Variants in EEF1AKMT1 observed in about 807,000 individuals in gnomAD.
EEF1AKMT1 encodes the protein N-6 adenine-specific DNA methyltransferase 2 (putative).
A neutral mutation model predicts 21.0 loss-of-function variants in EEF1AKMT1; 18 were observed. The ratio of observed to expected loss-of-function variants is 0.86; its 90% CI spans 0.59 to 1.27. The LOEUF is 1.27. EEF1AKMT1 is among the 50% of genes most tolerant of loss of function. The probability of loss-of-function intolerance (pLI) is 0.00; values close to 1 mark genes in which losing one functional copy is unlikely to be tolerated. For missense variants in EEF1AKMT1, 246 were observed against 258.6 expected (o/e 0.95, Z 0.33); for synonymous variants, 109 against 94.8 (o/e 1.15, Z -0.87).
rs532348847 is a variant in EEF1AKMT1, at chr13:20,764,488, G to A, written c.-19-6871C>T. Among the ~76,000 whole-genome samples, 7 of 152,236 alleles carry A rather than the reference G, an allele frequency of 4.6e-5. No individual in the cohort carries two copies. In the South Asian group the frequency reaches 1.5e-3, roughly 32 times the overall value. ...ACAATGTGTATTTTGATGTTGTTGG[G>A]TGAAGGTTATATAAATGTGAATAGA... is the stretch of plus-strand genomic sequence containing the variant. On this transcript the variant is annotated intron_variant, in intron 1 of 4. Transcript: ENST00000382758.
intron 1 of EEF1AKMT1, among the ~76,000 whole-genome samples, chr13:20,763,285 C>T (rs951804014): frequency 1.3e-5 from 2 of 151,964 alleles, no homozygotes; most frequent in African/African-American, 4.8e-5. Flanking sequence ...GACACACCAC[C>T]CCCCTCCCAC....
intron 2 of EEF1AKMT1, among the ~76,000 whole-genome samples, chr13:20,739,148 G>C (rs774268360): frequency 1.3e-5 from 2 of 151,946 alleles, no homozygotes; most frequent in African/African-American, 4.8e-5. Context: ...ATCTGGAGTT[G>C]GTAGTTCCTC....
intron 1 of EEF1AKMT1, among the ~76,000 whole-genome samples, chr13:20,766,199 T>G (rs1430671698): frequency 2.7e-5 from 4 of 147,868 alleles, no homozygotes; most frequent in Non-Finnish European, 5.9e-5. Context: ...TTTAGGAGGC[T>G]GAGGCAGGAG....
At chr13:20,748,725 G>GTTTTTTTTTT (rs1491496241) in intron 2 of EEF1AKMT1, among the ~76,000 whole-genome samples, 4 of 68,642 alleles carry the variant, frequency 5.8e-5, no homozygotes, top group African/African-American at 1.7e-4. Context: ...GTTTTTTTTT[G>GTTTTTTTTTT]GTTTTTTTTT....
chr13:20,762,759 C>T (rs894964283), intron 1 of EEF1AKMT1, among the ~76,000 whole-genome samples: 2 of 152,122 alleles, frequency 1.3e-5, no homozygotes, highest in South Asian at 2.1e-4. Flanking sequence ...AGTGTTCCTC[C>T]TGCCTCAGCC....
At chr13:20,762,046 C>A (rs577724137) in intron 1 of EEF1AKMT1, among the ~76,000 whole-genome samples, 1 of 152,092 alleles carries the variant, frequency 6.6e-6, no homozygotes, top group Non-Finnish European at 1.5e-5. Flanking sequence ...ATGCAGTGAG[C>A]CAAGATCATA....
chr13:20,740,633 T>C (rs1046799498), intron 2 of EEF1AKMT1, among the ~76,000 whole-genome samples: 6 of 152,162 alleles, frequency 3.9e-5, no homozygotes, highest in African/African-American at 1.4e-4. Context: ...GAGACCCTGC[T>C]TCTACTAAAA....
chr13:20,742,308 T>A (rs2058876076), intron 2 of EEF1AKMT1, among the ~76,000 whole-genome samples: 1 of 152,130 alleles, frequency 6.6e-6, no homozygotes, highest in Non-Finnish European at 1.5e-5. Context: ...TTCCACTGGG[T>A]TTACTGTTTT....
In EEF1AKMT1 at chr13:20,756,469, C is replaced by G. The variant is rs541185600; in HGVS notation, c.144+986G>C. ...TTAAGTTCAGTTCCCCAATTTCCGGCAATGATAATATTTTCTCTTTCCACC... is the reference window on the plus strand; with the variant it reads ...TTAAGTTCAGTTCCCCAATTTCCGGGAATGATAATATTTTCTCTTTCCACC... On this transcript the variant is annotated intron_variant, in intron 2 of 4. Coordinates refer to ENST00000382758, the MANE Select transcript of EEF1AKMT1 (RefSeq NM_001318939.2). 2.0e-5 allele frequency among the ~76,000 whole-genome samples: 3 copies of G among 152,292 alleles called. No individual in the cohort carries two copies. In the South Asian group the frequency reaches 6.2e-4, roughly 32 times the overall value.
At chr13:20,730,924 C>G (rs778462956) in intron 4 of EEF1AKMT1, among the ~76,000 whole-genome samples, 6 of 152,146 alleles carry the variant, frequency 3.9e-5, no homozygotes, top group Non-Finnish European at 8.8e-5. Flanking sequence ...CTCTTTGGGT[C>G]CACACCAACT....
At chr13:20,761,097 T>C (rs11839329) in intron 1 of EEF1AKMT1, among the ~76,000 whole-genome samples, 6,301 of 152,310 alleles carry the variant, frequency 0.041, 309 homozygotes, top group African/African-American at 0.11. Flanking sequence ...TTTACACACA[T>C]TTATTTGCAG....
intron 1 of EEF1AKMT1, among the ~76,000 whole-genome samples, chr13:20,763,964 T>TCC (rs34799302): frequency 1.3e-5 from 2 of 151,936 alleles, no homozygotes; most frequent in Non-Finnish European, 2.9e-5. Context: ...TGTACTGATA[T>TCC]CCCCCATTTC....
intron 2 of EEF1AKMT1, chr13:20,747,299 T>G (rs1197594207): frequency 7.8e-6 from 2 of 256,058 alleles, no homozygotes; most frequent in East Asian, 8.6e-5. Flanking sequence ...AAAGTTGCAG[T>G]AACTTTTGGC....
intron 2 of EEF1AKMT1, among the ~76,000 whole-genome samples, chr13:20,740,367 A>G (rs116979890): frequency 0.093 from 14,190 of 152,282 alleles, 812 homozygotes; most frequent in Non-Finnish European, 0.13. Flanking sequence ...CACCTCAGAG[A>G]GGGGCTCCCA....
chr13:20,738,917 T>A (rs1403682383), intron 2 of EEF1AKMT1, among the ~76,000 whole-genome samples: 1 of 152,196 alleles, frequency 6.6e-6, no homozygotes, highest in Non-Finnish European at 1.5e-5. Context: ...TAGTTGTGTG[T>A]CCGGAATTGG....
chr13:20,753,367 GAGA>G (rs1266920123), intron 2 of EEF1AKMT1, among the ~76,000 whole-genome samples: 1 of 152,156 alleles, frequency 6.6e-6, no homozygotes, highest in Non-Finnish European at 1.5e-5. Context: ...CATGGAACTG[GAGA>G]AGGTTCCATG....
At chr13:20,768,274 TG>T (rs1278999228) in intron 1 of EEF1AKMT1, among the ~76,000 whole-genome samples, 1 of 152,226 alleles carries the variant, frequency 6.6e-6, no homozygotes, top group Non-Finnish European at 1.5e-5. Flanking sequence ...GGAAACAATT[TG>T]ATCTTTTCAG....
At chr13:20,771,220 C>G (rs2059061532) in intron 1 of EEF1AKMT1, among the ~76,000 whole-genome samples, 1 of 152,126 alleles carries the variant, frequency 6.6e-6, no homozygotes, top group Admixed American at 6.5e-5. Flanking sequence ...TGAAGAAGGG[C>G]TTTTAAATAA....
At position 20,729,013 on chromosome 13, in the gene EEF1AKMT1, T is replaced by A; in HGVS notation, c.*67A>T. The A allele has an allele frequency of 6.3e-7, 1 of 1,596,776 alleles. No individual in the cohort carries two copies. Among genetic ancestry groups the A allele is most frequent in the African/African-American group, 1.3e-5 (1 of 74,594 alleles). On this transcript the variant is annotated 3_prime_UTR_variant, in exon 5 of 5. Transcript: ENST00000382758. Reference sequence around the variant, plus strand: ...AGGGGAAGAGATTATAACTTTTAAATCTACTACGAAAATACAAAAAGAGGA... The same window carrying A: ...AGGGGAAGAGATTATAACTTTTAAAACTACTACGAAAATACAAAAAGAGGA...
Sources: allele counts gnomAD v4.1 joint callset (sites outside exome capture counted in the v4.1 genomes callset), GRCh38; gene constraint gnomAD v4.1.1; transcripts MANE v1.5; gene names NCBI Gene and HGNC (gene_info 2026-07-23, HGNC 2026-07-21).